CNTN1: variants seen among roughly 807,000 people sequenced by gnomAD.
CNTN1 encodes contactin 1.
Under a neutral mutation model 126.4 loss-of-function variants are expected in CNTN1, and 38 were observed. The ratio of observed to expected loss-of-function variants is 0.30; its 90% CI spans 0.23 to 0.39. The LOEUF (loss-of-function observed/expected upper bound fraction) is 0.39. Among genes scored for constraint, CNTN1 ranks in the 10% least tolerant of loss-of-function variants. The pLI, the probability that CNTN1 is intolerant of heterozygous loss-of-function variation, is 1.00. For missense variants in CNTN1, 1,009 were observed against 1,248.4 expected, an observed-to-expected ratio of 0.81 and a Z score of 2.89; for synonymous variants, 413 against 422.6, an observed-to-expected ratio of 0.98 and a Z score of 0.28.
intron 14 of CNTN1, among the ~76,000 whole-genome samples, chr12:40,954,200 A>G (rs1289181648): frequency 1.3e-5 from 2 of 152,058 alleles, no homozygotes; most frequent in South Asian, 2.1e-4. Context: ...CTTTCCAAAT[A>G]TAACTATCAT....
intron 15 of CNTN1, among the ~76,000 whole-genome samples, chr12:40,970,357 G>T (rs1428505702): frequency 6.6e-6 from 1 of 151,944 alleles, no homozygotes; most frequent in South Asian, 2.1e-4. Context: ...AGGATTTTCA[G>T]TTCTCATCAA....
intron 23 of CNTN1, among the ~76,000 whole-genome samples, chr12:41,039,563 C>G (rs1015964656): frequency 3.3e-5 from 5 of 152,072 alleles, no homozygotes; most frequent in Admixed American, 6.6e-5. Flanking sequence ...GTTCAATATG[C>G]TAGTTCAATA....
chr12:40,845,172 T>G lies in CNTN1; in HGVS notation c.-76-63185T>G, dbSNP rs1942454514. Among the ~76,000 whole-genome samples the G allele has an allele frequency of 3.3e-5, 5 of 152,178 alleles. No individual in the cohort carries two copies. The South Asian group carries it at 1.0e-3, about 31-fold the overall frequency. Reference sequence around the variant, plus strand: ...ACTTGCTGAAAATGCTTCGGTTATATTATTAAAAACAGAAATTTCAGTGGC... The same window carrying G: ...ACTTGCTGAAAATGCTTCGGTTATAGTATTAAAAACAGAAATTTCAGTGGC... On this transcript the variant is annotated intron_variant, in intron 1 of 23. Coordinates refer to ENST00000551295, the MANE Select transcript of CNTN1 (RefSeq NM_001843.4).
At chr12:40,735,916 G>A (rs1406738514) in intron 1 of CNTN1, among the ~76,000 whole-genome samples, 3 of 152,078 alleles carry the variant, frequency 2.0e-5, no homozygotes, top group Admixed American at 6.6e-5. Flanking sequence ...CTAAAGAGAG[G>A]TGGGGGAGGT....
intron 23 of CNTN1, among the ~76,000 whole-genome samples, chr12:41,047,628 C>G (rs1029311023): frequency 3.3e-5 from 5 of 152,068 alleles, no homozygotes; most frequent in Admixed American, 6.6e-5. Flanking sequence ...TAGGGCCACT[C>G]TTACTCATTC....
rs1937901277 is a variant in CNTN1 at position 40,740,609 on chromosome 12, G to GA, written c.-77+48020dup. ...CCTCTTCAGCCTCATCTCTAGCACT[G>GA]AAATAACTCTGAGAGCTTCCTCTTG... On this transcript the variant is annotated intron_variant, in intron 1 of 23. Transcript: ENST00000551295. Among the ~76,000 whole-genome samples the GA allele has an allele frequency of 2.0e-5, 3 of 152,068 alleles. No individual in the cohort carries two copies. The East Asian group carries it at 5.8e-4, about 29-fold the overall frequency.
intron 23 of CNTN1, among the ~76,000 whole-genome samples, chr12:41,069,660 T>G (rs1047319215): frequency 1.3e-5 from 2 of 151,934 alleles, no homozygotes; most frequent in Non-Finnish European, 1.5e-5. Flanking sequence ...TTCTTGACAT[T>G]TTGCCTTCTG....
chr12:40,769,192 TA>T (rs961823855), intron 1 of CNTN1, among the ~76,000 whole-genome samples: 6 of 152,040 alleles, frequency 3.9e-5, no homozygotes, highest in South Asian at 4.1e-4. Context: ...CAACATGCTT[TA>T]AAAAAAACAT....
At chr12:40,959,863 T>G (rs1198967521) in intron 15 of CNTN1, among the ~76,000 whole-genome samples, 1 of 152,092 alleles carries the variant, frequency 6.6e-6, no homozygotes, top group Non-Finnish European at 1.5e-5. Context: ...CTTCACTGAC[T>G]GCCCTTTAGT....
chr12:40,766,291 T>A (rs1301930503), intron 1 of CNTN1, among the ~76,000 whole-genome samples: 2 of 146,462 alleles, frequency 1.4e-5, no homozygotes, highest in Non-Finnish European at 3.0e-5. Flanking sequence ...CGGGAAGTGG[T>A]GGTTTCAGTG....
intron 1 of CNTN1, among the ~76,000 whole-genome samples, chr12:40,900,481 A>T (rs1279080145): frequency 6.6e-6 from 1 of 152,158 alleles, no homozygotes; most frequent in Non-Finnish European, 1.5e-5. Context: ...GTTTGAGAAA[A>T]TGCAGAAAAG....
Position 41,069,961 on chromosome 12 carries a change from G to A in CNTN1, c.2983G>A (p.Ala995Thr), listed in dbSNP as rs143416044. 1.9e-5 allele frequency: 31 copies of A among 1,613,498 alleles called. No homozygotes were observed. The African/African-American group carries it at 3.5e-4, about 18-fold the overall frequency. ...CACACTTTTGGTTTACCTTGCAGGT[G>A]CACCCACCCTATCCCCAAGTCTTCT... Reference protein sequence around the residue: ...GVVSQVKISGAPTLSPSLLGL... With the variant: ...GVVSQVKISGTPTLSPSLLGL... The change falls in exon 24 of 24, where the codon GCA (alanine) becomes ACA (threonine). Residue 995 changes from alanine to threonine, a missense_variant and splice_region_variant. Coordinates refer to ENST00000551295, the MANE Select transcript of CNTN1 (RefSeq NM_001843.4).
intron 15 of CNTN1, among the ~76,000 whole-genome samples, chr12:40,979,694 C>T: frequency 6.6e-6 from 1 of 151,958 alleles, no homozygotes; most frequent in East Asian, 1.9e-4. Context: ...GTGATAGATG[C>T]CACTTCACCA....
chr12:40,941,208 A>C (rs913026197), intron 12 of CNTN1, among the ~76,000 whole-genome samples: 1 of 152,180 alleles, frequency 6.6e-6, no homozygotes, highest in Non-Finnish European at 1.5e-5. Flanking sequence ...TTGATTAAAG[A>C]GTCTATAAAT....
chr12:40,936,536 T>A (rs1946086264), intron 9 of CNTN1, among the ~76,000 whole-genome samples: 1 of 152,112 alleles, frequency 6.6e-6, no homozygotes, highest in Non-Finnish European at 1.5e-5. Context: ...ACTCAGCTTT[T>A]CAACAAAACA....
chr12:40,806,315 T>C lies in CNTN1; in HGVS notation c.-76-102042T>C, dbSNP rs144405939. On this transcript the variant is annotated intron_variant, in intron 1 of 23. Coordinates refer to ENST00000551295, the MANE Select transcript of CNTN1 (RefSeq NM_001843.4). ...TAAGAGATTTCAACTTGCTATTTGGTATTGCTATAGAAGCCTAGATCCAGT... is the reference window on the plus strand; with the variant it reads ...TAAGAGATTTCAACTTGCTATTTGGCATTGCTATAGAAGCCTAGATCCAGT... 2.2e-4 allele frequency among the ~76,000 whole-genome samples: 33 copies of C among 152,266 alleles called. No individual in the cohort carries two copies. In the East Asian group the frequency reaches 4.2e-3, roughly 20 times the overall value.
chr12:40,759,881 A>T (rs957603385), intron 1 of CNTN1, among the ~76,000 whole-genome samples: 2 of 151,788 alleles, frequency 1.3e-5, no homozygotes, highest in Admixed American at 1.3e-4. Context: ...TTATTATAGA[A>T]AGGAAGTCCT....
At chr12:40,830,703 T>A (rs182815055) in intron 1 of CNTN1, among the ~76,000 whole-genome samples, 4 of 146,356 alleles carry the variant, frequency 2.7e-5, no homozygotes, top group Admixed American at 2.1e-4. Flanking sequence ...TAAATACTGA[T>A]AGAGCTAAAA....
intron 1 of CNTN1, among the ~76,000 whole-genome samples, chr12:40,811,799 C>T (rs976349601): frequency 4.2e-5 from 6 of 143,632 alleles, no homozygotes; most frequent in African/African-American, 1.5e-4. Context: ...TCCTTCGTCT[C>T]ACTGAAGGTT....
Sources: allele counts gnomAD v4.1 joint callset (sites outside exome capture counted in the v4.1 genomes callset), GRCh38; gene constraint gnomAD v4.1.1; transcripts MANE v1.5; gene names NCBI Gene and HGNC (gene_info 2026-07-23, HGNC 2026-07-21).